The following SLC11A2 variants were observed in gnomAD, a reference collection of about 807,000 sequenced individuals.
SLC11A2 encodes the protein natural resistance-associated macrophage protein 2.
Under a neutral mutation model 68.0 loss-of-function variants are expected in SLC11A2, and 38 were observed. The ratio of observed to expected loss-of-function variants is 0.56; its 90% CI spans 0.43 to 0.73. The LOEUF (loss-of-function observed/expected upper bound fraction) is 0.73. Ranked by LOEUF, SLC11A2 falls within the 30% of genes least tolerant of loss-of-function variation. SLC11A2 has a pLI of 0.00. For missense variants in SLC11A2, 517 were observed against 690.5 expected (o/e 0.75, Z 2.82); for synonymous variants, 242 against 250.6 (o/e 0.97, Z 0.32).
At position 50,987,968 on chromosome 12, in the gene SLC11A2, T is replaced by C; in HGVS notation, c.*357A>G. On this transcript the variant is annotated 3_prime_UTR_variant, in exon 16 of 16. Transcript: ENST00000262052. The stretch of plus-strand genomic sequence containing the variant: ...GTAGTTTGTATAATAAAAAATGTAT[T>C]GCATTTTCCAATTTTTTTTTAACAT... 3 of 1,296,470 alleles carry C rather than the reference T, an allele frequency of 2.3e-6. No individual in the cohort carries two copies. Among genetic ancestry groups the C allele is most frequent in the Non-Finnish European group, 3.0e-6 (3 of 994,914 alleles). 80.3% of individuals were successfully genotyped at this position (1,296,470 alleles called of 1,614,324 possible). A position where few individuals can be genotyped will look rare whatever the true frequency, so the allele number is the denominator to read the frequency against.
At position 50,986,425 on chromosome 12, in the gene SLC11A2, T is replaced by C. The variant is rs1390648200; in HGVS notation, c.*1900A>G. On this transcript the variant is annotated 3_prime_UTR_variant, in exon 16 of 16. Transcript: ENST00000262052. ...AAAATGCCATTTAATTGGAAGGAGT[T>C]TTCTATCATTGCAAGTCATAAATAT... 5 of 1,283,744 alleles carry C rather than the reference T, an allele frequency of 3.9e-6. No homozygotes were observed. The African/African-American group carries it at 7.6e-5, about 20-fold the overall frequency. 79.5% of individuals were successfully genotyped at this position (1,283,744 alleles called of 1,614,324 possible).
intron 1 of SLC11A2, among the ~76,000 whole-genome samples, chr12:51,017,045 A>G (rs1313868248): frequency 6.6e-6 from 1 of 152,024 alleles, no homozygotes; most frequent in Non-Finnish European, 1.5e-5. Context: ...GTTTTACAAG[A>G]TAAAAATGCT....
the SLC11A2 span, among the ~76,000 whole-genome samples, chr12:50,952,333 G>A: frequency 3.5e-4 from 54 of 152,258 alleles, no homozygotes; most frequent in African/African-American, 1.3e-3. Flanking sequence ...CAGACACACA[G>A]TTCTTTGTAC....
At chr12:50,992,499 G>C (rs1243880568) in intron 12 of SLC11A2, among the ~76,000 whole-genome samples, 160 bp from the exon 13 acceptor site, 1 of 152,144 alleles carries the variant, frequency 6.6e-6, no homozygotes, top group Non-Finnish European at 1.5e-5. Flanking sequence ...GAGAGGCCAA[G>C]GCGGGTAGAT....
In SLC11A2 at chr12:50,992,272, G is replaced by C; in HGVS notation, c.1265C>G (p.Pro422Arg). The C allele has an allele frequency of 6.2e-7, 1 of 1,613,966 alleles. No homozygotes were observed. Among genetic ancestry groups the C allele is most frequent in the Non-Finnish European group, 8.5e-7 (1 of 1,179,902 alleles). The change falls in exon 13 of 16, where the codon CCC becomes CGC. Residue 422 changes from proline (P) to arginine (R), a missense_variant. Physicochemically the swap from Pro to Arg is moderately radical, Grantham distance 103 (BLOSUM62 -2). Transcript: ENST00000262052. ...VVLTRSIAII[P>R]TLLVAVFQDV... ...TTGGAAGACAGCAACAAGCAGAGTG[G>C]GGATGATGGCAATAGAGCGAGTCAG...
downstream of SLC11A2, among the ~76,000 whole-genome samples, chr12:50,984,695 C>T (rs773059515): frequency 6.6e-6 from 1 of 152,116 alleles, no homozygotes; most frequent in African/African-American, 2.4e-5. Context: ...GGGATAGGAC[C>T]ATAGAGGGCC....
the SLC11A2 span, among the ~76,000 whole-genome samples, chr12:50,966,516 A>G: frequency 6.6e-6 from 1 of 152,240 alleles, no homozygotes; most frequent in Admixed American, 6.5e-5. Flanking sequence ...TCCCACCTCC[A>G]CACCCTCAGT....
chr12:51,027,252 T>A (rs981974646), upstream of SLC11A2, among the ~76,000 whole-genome samples: 1 of 150,288 alleles, frequency 6.7e-6, no homozygotes, highest in Non-Finnish European at 1.5e-5. Context: ...GGTGGGAGAA[T>A]CACTTGGGCC....
chr12:50,969,796 C>T, the SLC11A2 span, among the ~76,000 whole-genome samples: 3 of 151,930 alleles, frequency 2.0e-5, no homozygotes, highest in Middle Eastern at 6.9e-3. Flanking sequence ...AGATCTGATG[C>T]CTTGATAACT....
the SLC11A2 span, chr12:50,960,947 C>G: frequency 6.5e-7 from 1 of 1,546,840 alleles, no homozygotes; most frequent in African/African-American, 1.4e-5. Flanking sequence ...TCCAAATAAC[C>G]CATACTTTTA....
chr12:51,007,064 C>G (rs1294122120), intron 3 of SLC11A2, among the ~76,000 whole-genome samples: 2 of 152,002 alleles, frequency 1.3e-5, no homozygotes, highest in Non-Finnish European at 1.5e-5. Context: ...AATTTCCAAT[C>G]AGAAAATCTT....
intron 1 of SLC11A2, among the ~76,000 whole-genome samples, chr12:51,025,123 T>C (rs1202829080): frequency 3.9e-5 from 6 of 152,180 alleles, no homozygotes; most frequent in Admixed American, 6.5e-5. Flanking sequence ...TAGTCACATA[T>C]AACTACACTA....
chr12:51,002,509 C>T (rs998529884), intron 5 of SLC11A2, among the ~76,000 whole-genome samples: 4 of 151,112 alleles, frequency 2.6e-5, no homozygotes, highest in Admixed American at 2.0e-4. Context: ...TGTGGTGGTG[C>T]GCACCTGTAA....
the SLC11A2 span, among the ~76,000 whole-genome samples, chr12:50,957,306 G>A: frequency 6.6e-6 from 1 of 151,690 alleles, no homozygotes; most frequent in Non-Finnish European, 1.5e-5. Context: ...CACCTCCTGG[G>A]CTCAAGCGAT....
chr12:51,010,891 G>A, intron 1 of SLC11A2, 125 bp from the exon 2 acceptor site: 2 of 499,200 alleles, frequency 4.0e-6, no homozygotes, highest in Admixed American at 3.7e-5. Context: ...TACTGAATTA[G>A]GTAACCTTGA....
upstream of SLC11A2, among the ~76,000 whole-genome samples, chr12:51,028,726 C>G (rs1373418963): frequency 6.6e-6 from 1 of 152,154 alleles, no homozygotes; most frequent in African/African-American, 2.4e-5. Flanking sequence ...ACGTGCAGCA[C>G]TGAGGCAATT....
At chr12:50,963,234 G>A in the SLC11A2 span, among the ~76,000 whole-genome samples, 2 of 151,820 alleles carry the variant, frequency 1.3e-5, no homozygotes, top group Non-Finnish European at 2.9e-5. Context: ...GCTGGGAGTA[G>A]TGGTGCATGC....
At chr12:50,982,430 C>A (rs1458628898), downstream of SLC11A2, among the ~76,000 whole-genome samples, 1 of 151,972 alleles carries the variant, frequency 6.6e-6, no homozygotes, top group African/African-American at 2.4e-5. Context: ...TCGAGACCAT[C>A]CTGGCCAACA....
chr12:50,998,360 CA>C (rs1941918494), intron 8 of SLC11A2, among the ~76,000 whole-genome samples: 1 of 151,440 alleles, frequency 6.6e-6, no homozygotes, highest in African/African-American at 2.4e-5. Context: ...CGCTCTGGCT[CA>C]AAAATAAATA....
Sources: allele counts gnomAD v4.1 joint callset (sites outside exome capture counted in the v4.1 genomes callset), GRCh38; gene constraint gnomAD v4.1.1; transcripts MANE v1.5; gene names NCBI Gene and HGNC (gene_info 2026-07-23, HGNC 2026-07-21).